MRTFB: variants seen among roughly 807,000 people sequenced by gnomAD.
MRTFB encodes the protein myocardin-related transcription factor B.
Under a neutral mutation model 104.2 loss-of-function variants are expected in MRTFB, and 29 were observed. That is an observed-to-expected ratio of 0.28 (90% CI 0.21 to 0.38). The LOEUF (loss-of-function observed/expected upper bound fraction) is 0.38, where lower values mean the gene tolerates loss of function less well. Ranked by LOEUF, MRTFB falls within the 10% of genes least tolerant of loss-of-function variation. The pLI, the probability that MRTFB is intolerant of heterozygous loss-of-function variation, is 1.00. For synonymous variants in MRTFB, 535 were observed against 519.5 expected (o/e 1.03, Z -0.41); for missense variants, 1,270 against 1,341.6 (o/e 0.95, Z 0.83).
At chr16:14,103,820 A>C (rs116381548) in intron 2 of MRTFB, among the ~76,000 whole-genome samples, 2,176 of 152,344 alleles carry the variant, frequency 0.014, 50 homozygotes, top group African/African-American at 0.046. Context: ...TGAAATTGAA[A>C]GAGTAGCAGT....
chr16:14,027,790 G>A, the MRTFB span, among the ~76,000 whole-genome samples: 2 of 152,216 alleles, frequency 1.3e-5, no homozygotes, highest in South Asian at 2.1e-4. Context: ...TCACAGCCAT[G>A]AGAAGGGGTG....
chr16:14,051,585 C>T, the MRTFB span, among the ~76,000 whole-genome samples: 10 of 151,996 alleles, frequency 6.6e-5, no homozygotes, highest in African/African-American at 2.4e-4. Context: ...CACACACACA[C>T]GCATATGCAC....
rs991924732 is a variant in MRTFB at position 14,200,372 on chromosome 16, A to G, written c.155-9871A>G. On this transcript the variant is annotated intron_variant, in intron 3 of 16. Transcript: ENST00000571589. ...TAGGGCCGCCATGTTGCAGCAGGAT[A>G]GTAATGATGACACTAAAGATGTTTC... The G allele has an allele frequency of 1.3e-5, 21 of 1,607,696 alleles. No individual in the cohort carries two copies. In the African/African-American group the frequency reaches 1.5e-4, roughly 11 times the overall value.
chr16:14,056,912 G>C, the MRTFB span, among the ~76,000 whole-genome samples: 3 of 152,090 alleles, frequency 2.0e-5, no homozygotes, highest in Non-Finnish European at 4.4e-5. Flanking sequence ...TCCCCTGTTT[G>C]TAACTTTGTT....
At chr16:14,145,001 TA>T (rs1249261034) in intron 3 of MRTFB, among the ~76,000 whole-genome samples, 1 of 140,348 alleles carries the variant, frequency 7.1e-6, no homozygotes, top group Non-Finnish European at 1.5e-5. Context: ...TATATGTATA[TA>T]TATATATATA....
rs937903177 is a variant in MRTFB at position 14,105,111 on chromosome 16, ACT to A, written c.-64+25761_-64+25762del. ...AATTTAGTGTTATAGAAGTCAGTAA[ACT>A]CTCAGAAAGTGAGCATTCTAATTAA... On this transcript the variant is annotated intron_variant, in intron 2 of 16. Transcript: ENST00000571589. 4.6e-5 allele frequency among the ~76,000 whole-genome samples: 7 copies of A among 152,198 alleles called. No individual in the cohort carries two copies. The East Asian group carries it at 9.7e-4, about 21-fold the overall frequency.
At chr16:14,012,842 G>T in the MRTFB span, among the ~76,000 whole-genome samples, 2 of 152,150 alleles carry the variant, frequency 1.3e-5, no homozygotes, top group African/African-American at 2.4e-5. Context: ...CTTTCAGCCT[G>T]TAGGGGATGA....
In MRTFB at chr16:14,262,122, C is replaced by T. The variant is rs923295252; in HGVS notation, c.*678C>T. 13 of 152,060 alleles carry T rather than the reference C, an allele frequency of 8.5e-5. No individual in the cohort carries two copies. The highest frequency in any genetic ancestry group is 1.6e-4 in the Non-Finnish European group (11 of 68,006). The allele number at this position is 152,060 out of a possible 1,614,324, so 9.4% of individuals were successfully genotyped here. ...GATCTTTCAACATAAACAGAAGATA[C>T]CTACAAAATACTGTCAGAAGTCCAG... On this transcript the variant is annotated 3_prime_UTR_variant, in exon 17 of 17. Coordinates refer to ENST00000571589, the MANE Select transcript of MRTFB (RefSeq NM_001308142.2).
At chr16:14,227,306 G>C (rs1308709086) in intron 8 of MRTFB, among the ~76,000 whole-genome samples, 1 of 151,530 alleles carries the variant, frequency 6.6e-6, no homozygotes, top group Non-Finnish European at 1.5e-5. Flanking sequence ...CAAAAAGAAA[G>C]AAAGAAAAGC....
At chr16:14,065,097 A>ATGTT in the MRTFB span, among the ~76,000 whole-genome samples, 1 of 152,148 alleles carries the variant, frequency 6.6e-6, no homozygotes, top group Non-Finnish European at 1.5e-5. Context: ...TGAGCGTGGA[A>ATGTT]TGTTTTTCCA....
At position 14,217,307 on chromosome 16, in the gene MRTFB, C is replaced by T; in HGVS notation, c.514+20C>T. Reference sequence around the variant, plus strand: ...TTATAGGCAAGACTCTAAAAATTTACTATTTGGGGTGAGAAAGAGAAACTT... The same window carrying T: ...TTATAGGCAAGACTCTAAAAATTTATTATTTGGGGTGAGAAAGAGAAACTT... On this transcript the variant is annotated intron_variant, in intron 7 of 16. Transcript: ENST00000571589. The T allele has an allele frequency of 6.4e-7, 1 of 1,566,914 alleles. No homozygotes were observed. The highest frequency in any genetic ancestry group is 2.0e-5 in the Admixed American group (1 of 50,966).
the MRTFB span, among the ~76,000 whole-genome samples, chr16:14,022,589 G>T: frequency 6.6e-6 from 1 of 152,048 alleles, no homozygotes; most frequent in African/African-American, 2.4e-5. Context: ...TAAAGACAGG[G>T]TTTCACCATG....
At chr16:14,181,534 A>G (rs2039771076) in intron 3 of MRTFB, among the ~76,000 whole-genome samples, 1 of 152,242 alleles carries the variant, frequency 6.6e-6, no homozygotes, top group South Asian at 2.1e-4. Flanking sequence ...TAGAAGATGA[A>G]GAGAAAAGGT....
At chr16:14,169,095 T>C (rs2039341575) in intron 3 of MRTFB, among the ~76,000 whole-genome samples, 1 of 152,232 alleles carries the variant, frequency 6.6e-6, no homozygotes, top group Non-Finnish European at 1.5e-5. Flanking sequence ...AGCTCTCATG[T>C]ATACCCCACT....
chr16:14,055,346 C>T, the MRTFB span, among the ~76,000 whole-genome samples: 342 of 152,220 alleles, frequency 2.2e-3, 2 homozygotes, highest in Non-Finnish European at 2.1e-3. Context: ...AGTGAAACTC[C>T]GTCTCAAAAG....
chr16:14,100,168 G>A (rs2035622437), intron 2 of MRTFB, among the ~76,000 whole-genome samples: 1 of 151,912 alleles, frequency 6.6e-6, no homozygotes, highest in Admixed American at 6.5e-5. Flanking sequence ...AAGTGGACAT[G>A]CTTGTCTTGT....
the MRTFB span, among the ~76,000 whole-genome samples, chr16:14,003,614 GGGCC>G: frequency 0.68 from 90,058 of 131,754 alleles, 28,222 homozygotes; most frequent in Middle Eastern, 0.77. Flanking sequence ...AGCAGAGCTG[GGGCC>G]GGCCGGCCTG....
chr16:14,091,424 A>T (rs1489601002), intron 2 of MRTFB, among the ~76,000 whole-genome samples: 1 of 152,204 alleles, frequency 6.6e-6, no homozygotes, highest in Non-Finnish European at 1.5e-5. Context: ...ATCACAGGGC[A>T]GGAGCCATCT....
intron 2 of MRTFB, among the ~76,000 whole-genome samples, chr16:14,087,341 C>T (rs973758742): frequency 5.3e-5 from 8 of 152,146 alleles, no homozygotes; most frequent in African/African-American, 9.7e-5. Context: ...GTCCTATCCC[C>T]CTTGAGAAAT....
Sources: allele counts gnomAD v4.1 joint callset (sites outside exome capture counted in the v4.1 genomes callset), GRCh38; gene constraint gnomAD v4.1.1; transcripts MANE v1.5; gene names NCBI Gene and HGNC (gene_info 2026-07-23, HGNC 2026-07-21).